Variants in MICU1 observed in about 807,000 individuals in gnomAD.
The protein encoded by MICU1 is calcium uptake protein 1, mitochondrial.
In MICU1, 45 loss-of-function variants were observed where a neutral mutation model predicts 56.8. The ratio of observed to expected loss-of-function variants is 0.79; its 90% CI spans 0.62 to 1.02. The LOEUF (loss-of-function observed/expected upper bound fraction) is 1.02. Among genes scored for constraint, MICU1 ranks in the 50% least tolerant of loss-of-function variants. MICU1 has a pLI of 0.00. For missense variants in MICU1, 504 were observed against 587.1 expected (o/e 0.86, Z 1.46); for synonymous variants, 186 against 195.1 (o/e 0.95, Z 0.39).
At chr10:72,471,889 C>T (rs753092800) in intron 8 of MICU1, among the ~76,000 whole-genome samples, 149 of 151,344 alleles carry the variant, frequency 9.8e-4, no homozygotes, top group Non-Finnish European at 1.5e-3. Flanking sequence ...TTGGAACATT[C>T]CTATAAGAAT....
chr10:72,543,094 G>A (rs1259893522), intron 4 of MICU1, among the ~76,000 whole-genome samples: 2 of 152,120 alleles, frequency 1.3e-5, no homozygotes, highest in African/African-American at 4.8e-5. Context: ...TTTAGGAAAG[G>A]CAACATTTGA....
chr10:72,553,920 A>C (rs1840098091), intron 3 of MICU1, among the ~76,000 whole-genome samples: 1 of 152,180 alleles, frequency 6.6e-6, no homozygotes, highest in South Asian at 2.1e-4. Flanking sequence ...AGAATATAGC[A>C]TCCAAGATAA....
intron 6 of MICU1, among the ~76,000 whole-genome samples, chr10:72,487,039 A>G (rs1866496995): frequency 6.6e-6 from 1 of 152,192 alleles, no homozygotes; most frequent in Admixed American, 6.5e-5. Flanking sequence ...AGCTTGGGTG[A>G]AATCACTGAT....
intron 1 of MICU1, among the ~76,000 whole-genome samples, chr10:72,570,683 A>T (rs957461532): frequency 6.6e-6 from 1 of 152,168 alleles, no homozygotes; most frequent in African/African-American, 2.4e-5. Flanking sequence ...TCTTGCCCTC[A>T]TATAGACAAA....
At chr10:72,458,975 C>T (rs931699901) in intron 8 of MICU1, among the ~76,000 whole-genome samples, 4 of 151,514 alleles carry the variant, frequency 2.6e-5, no homozygotes, top group Non-Finnish European at 5.9e-5. Flanking sequence ...GTGATTTGTC[C>T]GCCTTGGTCT....
intron 9 of MICU1, among the ~76,000 whole-genome samples, chr10:72,414,758 G>A (rs1863929093): frequency 2.0e-5 from 3 of 152,132 alleles, no homozygotes. Context: ...ATGAGACAAG[G>A]AAAATGTAGC....
At chr10:72,568,465 A>C (rs1840501292) in intron 1 of MICU1, among the ~76,000 whole-genome samples, 1 of 152,052 alleles carries the variant, frequency 6.6e-6, no homozygotes. Context: ...TGCTTTTAGG[A>C]GGTGCTGCTG....
intron 6 of MICU1, among the ~76,000 whole-genome samples, chr10:72,484,926 T>G (rs1042350192): frequency 9.0e-6 from 1 of 110,850 alleles, no homozygotes; most frequent in African/African-American, 2.5e-5. Context: ...GTTGGTAAAC[T>G]ATGGTTGGTA....
At chr10:72,376,055 C>A (rs1047185974) in intron 10 of MICU1, among the ~76,000 whole-genome samples, 183 bp from the exon 11 acceptor site, 1 of 152,120 alleles carries the variant, frequency 6.6e-6, no homozygotes, top group African/African-American at 2.4e-5. Flanking sequence ...CTTTGGGAGG[C>A]CGAGGAGGGT....
chr10:72,607,520 T>G (rs900938050), intron 1 of MICU1, among the ~76,000 whole-genome samples: 1 of 145,454 alleles, frequency 6.9e-6, no homozygotes, highest in Admixed American at 7.0e-5. Flanking sequence ...GCCTGTAGTC[T>G]CAGCTCCTCA....
chr10:72,379,721 C>T, intron 10 of MICU1: 1 of 241,800 alleles, frequency 4.1e-6, no homozygotes. Flanking sequence ...AAGAATGCCT[C>T]ATTACAGATG....
chr10:72,468,188 A>G (rs1865850180), intron 8 of MICU1, among the ~76,000 whole-genome samples: 1 of 152,132 alleles, frequency 6.6e-6, no homozygotes, highest in Non-Finnish European at 1.5e-5. Context: ...CCAGCTTATA[A>G]GCAAGATCAT....
At chr10:72,474,258 C>CAAAAAAAAAAAAAA (rs55978543) in intron 8 of MICU1, among the ~76,000 whole-genome samples, 37 of 60,734 alleles carry the variant, frequency 6.1e-4, no homozygotes, top group Middle Eastern at 0.014. Flanking sequence ...AGGACTGTCT[C>CAAAAAAAAAAAAAA]AAAAAAAAAA....
At chr10:72,605,634 A>T (rs1390673967) in intron 1 of MICU1, among the ~76,000 whole-genome samples, 1 of 152,174 alleles carries the variant, frequency 6.6e-6, no homozygotes, top group Non-Finnish European at 1.5e-5. Context: ...TAATAATTTA[A>T]ATTATTTACC....
intron 1 of MICU1, among the ~76,000 whole-genome samples, chr10:72,610,810 G>A (rs528263984): frequency 6.6e-6 from 1 of 152,320 alleles, no homozygotes; most frequent in South Asian, 2.1e-4. Context: ...AAAGCTGAGT[G>A]GAGGAGGTTA....
chr10:72,571,666 G>A (rs1840613575), intron 1 of MICU1, among the ~76,000 whole-genome samples: 2 of 152,222 alleles, frequency 1.3e-5, no homozygotes, highest in Admixed American at 1.3e-4. Flanking sequence ...GGAAAGTGAT[G>A]AGTACAGCCA....
intron 1 of MICU1, among the ~76,000 whole-genome samples, chr10:72,601,802 CT>C (rs199587505): frequency 0.34 from 48,297 of 140,374 alleles, 8,568 homozygotes; most frequent in East Asian, 0.9. Flanking sequence ...TTTTCTTTTT[CT>C]TTTTTTTTTT....
chr10:72,444,755 C>T (rs1865056056), intron 8 of MICU1, among the ~76,000 whole-genome samples: 1 of 152,196 alleles, frequency 6.6e-6, no homozygotes, highest in African/African-American at 2.4e-5. Flanking sequence ...AGCAGCCTTG[C>T]ATTGTTTACT....
intron 8 of MICU1, among the ~76,000 whole-genome samples, chr10:72,429,215 T>C (rs1864445224): frequency 6.6e-6 from 1 of 151,562 alleles, no homozygotes; most frequent in African/African-American, 2.4e-5. Flanking sequence ...AGGTCAGGAG[T>C]TTGAGACCAG....
Sources: gnomAD v4.1 joint callset for allele counts (sites outside exome capture counted in the v4.1 genomes callset) on GRCh38, gnomAD v4.1.1 for gene constraint, MANE v1.5 for transcripts, NCBI Gene and HGNC (gene_info 2026-07-23, HGNC 2026-07-21) for gene names.